Variants in ITGA4 observed in about 807,000 individuals in gnomAD.
ITGA4 encodes the protein integrin alpha-4.
ITGA4 carries 63 observed loss-of-function variants against 133.6 expected under a neutral mutation model. That is an observed-to-expected ratio of 0.47 (90% CI 0.38 to 0.58). The LOEUF (loss-of-function observed/expected upper bound fraction) is 0.58, where lower values mean the gene tolerates loss of function less well. Among genes scored for constraint, ITGA4 ranks in the 20% least tolerant of loss-of-function variants. The probability of loss-of-function intolerance (pLI) is 0.00; values close to 1 mark genes in which losing one functional copy is unlikely to be tolerated. For missense variants in ITGA4, 1,076 were observed against 1,252.7 expected (o/e 0.86, Z 2.13); for synonymous variants, 483 against 438.0 (o/e 1.10, Z -1.28).
intron 17 of ITGA4, among the ~76,000 whole-genome samples, chr2:181,517,255 C>A (rs1686625094): frequency 1.3e-5 from 2 of 152,014 alleles, no homozygotes; most frequent in African/African-American, 4.8e-5. Context: ...ATATTTTATT[C>A]TAGCATCTTG....
chr2:181,463,449 T>C (rs1434449963), intron 2 of ITGA4, among the ~76,000 whole-genome samples: 1 of 152,120 alleles, frequency 6.6e-6, no homozygotes, highest in East Asian at 1.9e-4. Flanking sequence ...AGACTACAGA[T>C]GACAAGTGTC....
rs757762404 is a variant in ITGA4 at position 181,535,418 on chromosome 2, T to C, written c.3004-14T>C. 4.8e-5 allele frequency: 76 copies of C among 1,586,894 alleles called. 1 individual carries two copies. In the South Asian group the frequency reaches 8.3e-4, roughly 17 times the overall value. ...CATAACTATACACTAGTGATTATGT[T>C]ATGCTATTTTCAGGCTGGCTTCTTT... On this transcript the variant is annotated splice_polypyrimidine_tract_variant and intron_variant, in intron 27 of 27. Coordinates refer to ENST00000397033, the MANE Select transcript of ITGA4 (RefSeq NM_000885.6).
intron 26 of ITGA4, 83 bp downstream of exon 26, chr2:181,534,453 A>C: frequency 1.2e-6 from 1 of 866,120 alleles, no homozygotes; most frequent in Non-Finnish European, 1.9e-6. Context: ...CTTCTGAGTA[A>C]CTGAGTTGGG....
intron 2 of ITGA4, among the ~76,000 whole-genome samples, chr2:181,469,477 C>G (rs941092681): frequency 2.0e-5 from 3 of 152,100 alleles, no homozygotes; most frequent in African/African-American, 7.2e-5. Context: ...GGACTGTAAA[C>G]TAGTTCAACC....
intron 21 of ITGA4, among the ~76,000 whole-genome samples, chr2:181,526,491 G>A (rs1205211948): frequency 6.6e-6 from 1 of 152,136 alleles, no homozygotes; most frequent in East Asian, 1.9e-4. Context: ...GCCTTTAAAA[G>A]AGAGTGACAG....
chr2:181,480,245 G>A lies in ITGA4; in HGVS notation c.733G>A (p.Val245Ile). ...GGCTTTTTTAGACAAACAAAATCAAGTAAAATTTGGAAGTTATTTAGGTAC... is the reference window on the plus strand; with the variant it reads ...GGCTTTTTTAGACAAACAAAATCAAATAAAATTTGGAAGTTATTTAGGTAC... ...YKAFLDKQNQ[V>I]KFGSYLGYSV... Residue 245 changes from valine to isoleucine, a missense_variant, in exon 6 of 28, where the codon GTA becomes ATA. Physicochemically the swap from Val to Ile is conservative, Grantham distance 29. This residue lies in a region of ITGA4 where 436 missense variants were observed against 590.7 expected (regional missense o/e 0.74). Transcript: ENST00000397033. 6.8e-7 allele frequency: 1 copy of A among 1,460,788 alleles called. No homozygotes were observed. The highest frequency in any genetic ancestry group is 9.2e-7 in the Non-Finnish European group (1 of 1,090,628). The allele number at this position is 1,460,788 out of a possible 1,614,324, so 90.5% of individuals were successfully genotyped here.
At chr2:181,490,454 C>T (rs954618480) in intron 10 of ITGA4, among the ~76,000 whole-genome samples, 12 of 5,018 alleles carry the variant, frequency 2.4e-3, no homozygotes, top group Admixed American at 4.9e-3. Context: ...TACATGATTT[C>T]ATTTTTTTTT....
chr2:181,509,135 TAAAAAAAAAAAAAAAAAAAAAAAAAAA>T (rs57180154), intron 15 of ITGA4, among the ~76,000 whole-genome samples: 73 of 44,674 alleles, frequency 1.6e-3, no homozygotes, highest in African/African-American at 7.0e-3. Flanking sequence ...TCCCATCTCT[TAAAAAAAAAAAAAAAAAAAAAAAAAAA>T]AAAAAAAAAA....
chr2:181,536,838 G>GT lies in ITGA4; in HGVS notation c.*1311_*1312insT, dbSNP rs1559062210. ...GCAGAATATCATTTTATCTGACTCT[G>GT]CCTTCATAAGAGAGCTGTGGCCGAA... On this transcript the variant is annotated 3_prime_UTR_variant, in exon 28 of 28. Transcript: ENST00000397033. The GT allele has an allele frequency of 2.1e-5, 8 of 386,428 alleles. No individual in the cohort carries two copies. Among genetic ancestry groups the GT allele is most frequent in the African/African-American group, 4.2e-5 (2 of 47,992 alleles). The allele number at this position is 386,428 out of a possible 1,614,324, so 23.9% of individuals were successfully genotyped here. A position where few individuals can be genotyped will look rare whatever the true frequency, so the allele number is the denominator to read the frequency against.
At chr2:181,475,881 A>C (rs1014106053) in intron 4 of ITGA4, 5 of 1,593,608 alleles carry the variant, frequency 3.1e-6, no homozygotes, top group Non-Finnish European at 4.3e-6. Flanking sequence ...GGTGAATGTC[A>C]ACAGAGCATG....
In ITGA4 at chr2:181,537,119, A is replaced by G. The variant is rs752799265; in HGVS notation, c.*1592A>G. ...GGAATAAACTTTATGACATTTATGT[A>G]TTTTTAAAAAACTTTGTATCGTTAT... is the stretch of plus-strand genomic sequence containing the variant. On this transcript the variant is annotated 3_prime_UTR_variant, in exon 28 of 28. Transcript: ENST00000397033. 2.2e-6 allele frequency: 1 copy of G among 453,052 alleles called. No homozygotes were observed. The highest frequency in any genetic ancestry group is 4.4e-6 in the Non-Finnish European group (1 of 226,506). 28.1% of individuals were successfully genotyped at this position (453,052 alleles called of 1,614,324 possible). A position where few individuals can be genotyped will look rare whatever the true frequency, so the allele number is the denominator to read the frequency against.
chr2:181,533,938 GAAAT>G (rs1686997873), intron 25 of ITGA4, among the ~76,000 whole-genome samples: 1 of 152,118 alleles, frequency 6.6e-6, no homozygotes, highest in Non-Finnish European at 1.5e-5. Context: ...AATTTAGAAA[GAAAT>G]AAAAAGCCCA....
chr2:181,477,863 A>G (rs1301285703), intron 4 of ITGA4, among the ~76,000 whole-genome samples: 1 of 152,244 alleles, frequency 6.6e-6, no homozygotes, highest in African/African-American at 2.4e-5. Flanking sequence ...AAGGAAATGA[A>G]ATCAGTACCA....
rs796442459 is a variant in ITGA4, at chr2:181,503,395, A to AT, written c.1695+4623dup. ...AAGGATCTATATCACTGGCATGTAG[A>AT]TTTTTGTTCTGGCATGTTATTTTTC... On this transcript the variant is annotated intron_variant, in intron 15 of 27. Coordinates refer to ENST00000397033, the MANE Select transcript of ITGA4 (RefSeq NM_000885.6). Among the ~76,000 whole-genome samples the AT allele has an allele frequency of 1.7e-4, 26 of 152,028 alleles. No homozygotes were observed. The East Asian group carries it at 4.4e-3, about 26-fold the overall frequency.
intron 9 of ITGA4, among the ~76,000 whole-genome samples, chr2:181,483,760 C>T (rs1372997968): frequency 6.6e-6 from 1 of 152,112 alleles, no homozygotes; most frequent in Non-Finnish European, 1.5e-5. Context: ...ATTTCTATCT[C>T]CAAAAATAGT....
chr2:181,482,557 A>G lies in ITGA4; in HGVS notation c.947A>G (p.Asn316Ser), dbSNP rs770912846. 3 of 1,613,854 alleles carry G rather than the reference A, an allele frequency of 1.9e-6. No homozygotes were observed. The highest frequency in any genetic ancestry group is 3.3e-5 in the Admixed American group (2 of 60,000). Reference protein sequence around the residue: ...FGASVCAVDLNADGFSDLLVG... With the variant: ...FGASVCAVDLSADGFSDLLVG... ...GCTTCTGTCTGTGCTGTGGACCTCA[A>G]TGCAGATGGCTTCTCAGATCTGCTC... The change falls in exon 9 of 28, where the codon AAT becomes AGT. Residue 316 changes from asparagine to serine, a missense_variant. By Grantham distance (46) the Asn-to-Ser change is conservative. Transcript: ENST00000397033.
chr2:181,508,181 A>T (rs1477363822), intron 15 of ITGA4, among the ~76,000 whole-genome samples: 1 of 152,038 alleles, frequency 6.6e-6, no homozygotes, highest in African/African-American at 2.4e-5. Context: ...TTCTTTGGAG[A>T]CAGAAGACAA....
At chr2:181,477,334 G>A (rs1685699451) in intron 4 of ITGA4, among the ~76,000 whole-genome samples, 1 of 152,056 alleles carries the variant, frequency 6.6e-6, no homozygotes, top group South Asian at 2.1e-4. Flanking sequence ...TACACCAAAA[G>A]CTCAAACAAC....
In ITGA4 at chr2:181,537,639, G is replaced by C. The variant is rs1228855515; in HGVS notation, c.*2112G>C. Reference sequence around the variant, plus strand: ...AACATAATTGATGAGCTCAAATCCTGAAAAATGAAAGAATCCAAATTATTT... The same window carrying C: ...AACATAATTGATGAGCTCAAATCCTCAAAAATGAAAGAATCCAAATTATTT... On this transcript the variant is annotated 3_prime_UTR_variant, in exon 28 of 28. Coordinates refer to ENST00000397033, the MANE Select transcript of ITGA4 (RefSeq NM_000885.6). 2.3e-6 allele frequency: 1 copy of C among 434,396 alleles called. No homozygotes were observed. Among genetic ancestry groups the C allele is most frequent in the Admixed American group, 2.6e-5 (1 of 38,064 alleles). 26.9% of individuals were successfully genotyped at this position (434,396 alleles called of 1,614,324 possible). A position where few individuals can be genotyped will look rare whatever the true frequency, so the allele number is the denominator to read the frequency against.
Sources: gnomAD v4.1 joint callset for allele counts (sites outside exome capture counted in the v4.1 genomes callset) on GRCh38, gnomAD v4.1.1 for gene constraint, gnomAD v4.1.1 regional missense constraint, MANE v1.5 for transcripts, NCBI Gene and HGNC (gene_info 2026-07-23, HGNC 2026-07-21) for gene names.